The following PGM2 variants were observed in gnomAD, a reference collection of about 807,000 sequenced individuals.
PGM2 encodes phosphoglucomutase 2.
Under a neutral mutation model 74.6 loss-of-function variants are expected in PGM2, and 57 were observed. That is an observed-to-expected ratio of 0.76 (90% CI 0.62 to 0.95). The LOEUF (loss-of-function observed/expected upper bound fraction) is 0.95, where lower values mean the gene tolerates loss of function less well. Ranked by LOEUF, PGM2 falls within the 40% of genes least tolerant of loss-of-function variation. PGM2 has a pLI of 0.00. For synonymous variants in PGM2, 273 were observed against 260.7 expected (o/e 1.05, Z -0.46); for missense variants, 706 against 741.9 (o/e 0.95, Z 0.56).
chr4:37,853,399 T>C (rs1435339935), intron 12 of PGM2, among the ~76,000 whole-genome samples: 1 of 149,520 alleles, frequency 6.7e-6, no homozygotes, highest in African/African-American at 2.5e-5. Flanking sequence ...AACAATATCT[T>C]ACCTCTCTAA....
At position 37,848,561 on chromosome 4, in the gene PGM2, T is replaced by C; in HGVS notation, c.1322T>C (p.Val441Ala). ...CCTTTTGTTCTGGACAAAGATGGAGTCAGTGCCGCTGTCATAAGTGCAGAG... is the reference window on the plus strand; with the variant it reads ...CCTTTTGTTCTGGACAAAGATGGAGCCAGTGCCGCTGTCATAAGTGCAGAG... ...CCPFVLDKDG[V>A]SAAVISAELA... Residue 441 changes from valine (V) to alanine (A), a missense_variant, in exon 11 of 14, where the codon GTC (valine) becomes GCC (alanine). This residue lies in a region of PGM2 where 359 missense variants were observed against 371.1 expected (regional missense o/e 0.97). Coordinates refer to ENST00000381967, the MANE Select transcript of PGM2 (RefSeq NM_018290.4). 1 of 1,613,518 alleles carries C rather than the reference T, an allele frequency of 6.2e-7. No individual in the cohort carries two copies. Among genetic ancestry groups the C allele is most frequent in the Non-Finnish European group, 8.5e-7 (1 of 1,179,486 alleles).
At chr4:37,845,196 C>T (rs1338364793) in intron 7 of PGM2, among the ~76,000 whole-genome samples, 1 of 152,032 alleles carries the variant, frequency 6.6e-6, no homozygotes, top group East Asian at 1.9e-4. Flanking sequence ...ATTTTTATTT[C>T]TTGTCATTTT....
At position 37,847,250 on chromosome 4, in the gene PGM2, A is replaced by G; in HGVS notation, c.1237A>G (p.Ile413Val). 6.2e-7 allele frequency: 1 copy of G among 1,614,024 alleles called. No individual in the cohort carries two copies. ...GATGGGAAACAGAGCCAAACAGCTAATAGACCAGGGGAAAACTGTTTTATT... is the reference window on the plus strand; with the variant it reads ...GATGGGAAACAGAGCCAAACAGCTAGTAGACCAGGGGAAAACTGTTTTATT... ...KWMGNRAKQL[I>V]DQGKTVLFAF... is the part of the protein sequence containing the mutation. Residue 413 changes from isoleucine (I) to valine (V), a missense_variant, in exon 10 of 14, where the codon ATA (isoleucine) becomes GTA (valine). Ile to Val is a conservative substitution (Grantham distance 29, BLOSUM62 3). This residue lies in a region of PGM2 where 359 missense variants were observed against 371.1 expected (regional missense o/e 0.97). Transcript: ENST00000381967.
Position 37,837,577 on chromosome 4 carries a change from G to T in PGM2, c.405G>T (p.Val135=). The change falls in exon 4 of 14, where the codon GTG becomes GTT. Residue 135 remains valine, a synonymous_variant. Coordinates refer to ENST00000381967, the MANE Select transcript of PGM2 (RefSeq NM_018290.4). ...ATTFISQGIP[V]YLFSDITPTP... ...CATTTATCAGTCAGGGGATTCCTGT[G>T]TACCTCTTTTCTGATATAACGCCAA... The T allele has an allele frequency of 6.2e-7, 1 of 1,613,236 alleles. No individual in the cohort carries two copies. The highest frequency in any genetic ancestry group is 8.5e-7 in the Non-Finnish European group (1 of 1,179,200).
chr4:37,827,136 C>G (rs1389363841), intron 1 of PGM2, among the ~76,000 whole-genome samples: 2 of 152,284 alleles, frequency 1.3e-5, no homozygotes. Context: ...TTGAGGGGCG[C>G]ACGCCTTACT....
intron 4 of PGM2, chr4:37,839,572 A>G: frequency 1.7e-6 from 1 of 571,956 alleles, no homozygotes. Flanking sequence ...TGTTTGAAGA[A>G]TTTTCTAGCT....
rs966579970 is a variant in PGM2 at position 37,850,452 on chromosome 4, A to G, written c.1602+79A>G. ...TAATTTGAATAAATTATTTAACCAT[A>G]CAATTAATTGAAGCTGATTTTAGGC... On this transcript the variant is annotated intron_variant, in intron 12 of 13. Coordinates refer to ENST00000381967, the MANE Select transcript of PGM2 (RefSeq NM_018290.4). 3.0e-5 allele frequency: 27 copies of G among 886,050 alleles called. No individual in the cohort carries two copies. The African/African-American group carries it at 4.3e-4, about 14-fold the overall frequency. The allele number at this position is 886,050 out of a possible 1,614,324, so 54.9% of individuals were successfully genotyped here.
At chr4:37,853,243 T>C (rs1351389123) in intron 12 of PGM2, among the ~76,000 whole-genome samples, 1 of 152,076 alleles carries the variant, frequency 6.6e-6, no homozygotes, top group African/African-American at 2.4e-5. Context: ...GCTCAAGCAA[T>C]CCTCCTGCTT....
chr4:37,844,209 A>G (rs1282332695), intron 6 of PGM2, among the ~76,000 whole-genome samples, 155 bp from the exon 7 acceptor site: 3 of 117,136 alleles, frequency 2.6e-5, no homozygotes, highest in African/African-American at 7.7e-5. Context: ...TGTTGAGGGA[A>G]GGAATATATA....
intron 13 of PGM2, among the ~76,000 whole-genome samples, chr4:37,857,249 C>T (rs373147363): frequency 2.6e-5 from 4 of 152,088 alleles, no homozygotes; most frequent in Admixed American, 2.0e-4. Flanking sequence ...GTCTAATGGC[C>T]GCTGTAGTAA....
At chr4:37,840,810 T>C (rs543587549) in intron 6 of PGM2, among the ~76,000 whole-genome samples, 183 of 152,216 alleles carry the variant, frequency 1.2e-3, no homozygotes, top group Middle Eastern at 0.01. Flanking sequence ...CTCTGCTGTT[T>C]TAGTACAAAA....
chr4:37,832,704 G>A (rs1403200562), intron 2 of PGM2, among the ~76,000 whole-genome samples: 1 of 152,154 alleles, frequency 6.6e-6, no homozygotes, highest in Non-Finnish European at 1.5e-5. Flanking sequence ...ACTGTCCTCT[G>A]AAAGAGGCCA....
intron 13 of PGM2, among the ~76,000 whole-genome samples, chr4:37,860,982 A>C (rs1177327272): frequency 6.6e-6 from 1 of 152,066 alleles, no homozygotes; most frequent in Non-Finnish European, 1.5e-5. Flanking sequence ...TGACTCCTCA[A>C]ACCCACCCGG....
intron 4 of PGM2, among the ~76,000 whole-genome samples, chr4:37,838,154 TA>T (rs1180229834): frequency 2.0e-5 from 3 of 152,230 alleles, no homozygotes; most frequent in African/African-American, 7.2e-5. Context: ...GTGCTGGGAT[TA>T]CAGGCATGAG....
chr4:37,841,072 GTATATATATATATATATA>G (rs36127170), intron 6 of PGM2, among the ~76,000 whole-genome samples: 1 of 113,800 alleles, frequency 8.8e-6, no homozygotes, highest in South Asian at 3.3e-4. Flanking sequence ...ATATGCAAGC[GTATATATATATATATATA>G]TATATATATA....
intron 10 of PGM2, among the ~76,000 whole-genome samples, chr4:37,847,977 C>T (rs1725922613): frequency 6.6e-6 from 1 of 152,206 alleles, no homozygotes; most frequent in South Asian, 2.1e-4. Context: ...TCAGGTTCTG[C>T]TCTTTTATTG....
At chr4:37,841,949 C>A (rs1725741782) in intron 6 of PGM2, among the ~76,000 whole-genome samples, 1 of 152,142 alleles carries the variant, frequency 6.6e-6, no homozygotes, top group South Asian at 2.1e-4. Context: ...AATTGACCTC[C>A]AAAAATATAC....
At chr4:37,844,962 C>A (rs1577678234) in intron 7 of PGM2, among the ~76,000 whole-genome samples, 1 of 123,036 alleles carries the variant, frequency 8.1e-6, no homozygotes, top group Admixed American at 9.9e-5. Flanking sequence ...GGTGACAGAG[C>A]GAGACTTTGT....
At chr4:37,828,946 A>C (rs552461522) in intron 1 of PGM2, among the ~76,000 whole-genome samples, 10 of 152,356 alleles carry the variant, frequency 6.6e-5, no homozygotes, top group African/African-American at 2.2e-4. Flanking sequence ...AATCTGCCAC[A>C]ATCTGGAAAT....
Sources: gnomAD v4.1 joint callset for allele counts (sites outside exome capture counted in the v4.1 genomes callset) on GRCh38, gnomAD v4.1.1 for gene constraint, gnomAD v4.1.1 regional missense constraint, MANE v1.5 for transcripts, NCBI Gene and HGNC (gene_info 2026-07-23, HGNC 2026-07-21) for gene names.